The following RB1 variants were observed in gnomAD, a reference collection of about 807,000 sequenced individuals.
The protein encoded by RB1 is retinoblastoma-associated protein.
Under a neutral mutation model 135.4 loss-of-function variants are expected in RB1, and 18 were observed. The observed-to-expected ratio is 0.13, with a 90% CI of 0.09 to 0.20. RB1 has a LOEUF of 0.20. Among genes scored for constraint, RB1 ranks in the 10% least tolerant of loss-of-function variants. The probability of loss-of-function intolerance (pLI) is 1.00; values close to 1 mark genes in which losing one functional copy is unlikely to be tolerated. For missense variants in RB1, 868 were observed against 1,110.0 expected, an observed-to-expected ratio of 0.78 and a Z score of 3.10; for synonymous variants, 365 against 373.2, an observed-to-expected ratio of 0.98 and a Z score of 0.25.
At chr13:48,361,830 G>A (rs1952643372) in intron 7 of RB1, among the ~76,000 whole-genome samples, 1 of 151,316 alleles carries the variant, frequency 6.6e-6, no homozygotes, top group South Asian at 2.1e-4. Flanking sequence ...TGTGGTTTTT[G>A]CTGATCATAT....
chr13:48,466,150 G>A (rs917380100), intron 23 of RB1, among the ~76,000 whole-genome samples: 4 of 145,226 alleles, frequency 2.8e-5, no homozygotes, highest in South Asian at 2.3e-4. Context: ...GCAGACTTAA[G>A]TGTCCCTGTC....
intron 2 of RB1, among the ~76,000 whole-genome samples, chr13:48,308,676 G>A (rs976177656): frequency 2.0e-5 from 3 of 151,188 alleles, no homozygotes; most frequent in Admixed American, 6.6e-5. Context: ...AAAAACCCCA[G>A]AACTTTACAA....
intron 6 of RB1, among the ~76,000 whole-genome samples, chr13:48,349,367 C>T (rs115158735): frequency 0.024 from 3,608 of 151,652 alleles, 153 homozygotes; most frequent in African/African-American, 0.083. Context: ...AAAATCCACC[C>T]AGGGATAATC....
intron 2 of RB1, chr13:48,320,407 C>T (rs1290940055): frequency 1.8e-6 from 2 of 1,139,214 alleles, no homozygotes; most frequent in African/African-American, 1.5e-5. Flanking sequence ...CCTAAAGCTC[C>T]CTGGTGGGCC....
At position 48,481,675 on chromosome 13, in the gene RB1, T is replaced by G. The variant is rs921823911; in HGVS notation, c.*1604T>G. 4.3e-6 allele frequency: 1 copy of G among 231,008 alleles called. No homozygotes were observed. Among genetic ancestry groups the G allele is most frequent in the Non-Finnish European group, 8.6e-6 (1 of 116,564 alleles). The allele number at this position is 231,008 out of a possible 1,614,324, so 14.3% of individuals were successfully genotyped here. Reference sequence around the variant, plus strand: ...TTTTAGGTCAAGGGCTTACTATTTCTGGGTCTTTTGCTACTAAGTTCACAT... The same window carrying G: ...TTTTAGGTCAAGGGCTTACTATTTCGGGGTCTTTTGCTACTAAGTTCACAT... On this transcript the variant is annotated 3_prime_UTR_variant, in exon 27 of 27. Transcript: ENST00000267163.
intron 2 of RB1, chr13:48,320,132 A>C (rs1952221823): frequency 1.3e-6 from 1 of 791,582 alleles, no homozygotes; most frequent in African/African-American, 1.8e-5. Context: ...TCTAGCACCA[A>C]CGGGCCAAAG....
At chr13:48,423,344 G>A (rs562042348) in intron 17 of RB1, among the ~76,000 whole-genome samples, 16 of 152,056 alleles carry the variant, frequency 1.1e-4, no homozygotes, top group Non-Finnish European at 1.3e-4. Context: ...GCGCGATCTC[G>A]GCTCACTGCA....
At chr13:48,438,654 T>C in intron 17 of RB1, among the ~76,000 whole-genome samples, 1 of 152,196 alleles carries the variant, frequency 6.6e-6, no homozygotes, top group East Asian at 1.9e-4. Flanking sequence ...CCACCACTTA[T>C]TCATGTGACT....
chr13:48,410,564 A>G (rs1948785032), intron 17 of RB1, among the ~76,000 whole-genome samples: 1 of 152,178 alleles, frequency 6.6e-6, no homozygotes, highest in South Asian at 2.1e-4. Flanking sequence ...TTAAAACATA[A>G]GTTCTTGACT....
intron 17 of RB1, among the ~76,000 whole-genome samples, chr13:48,420,748 C>A (rs1382264318): frequency 6.6e-6 from 1 of 151,970 alleles, no homozygotes; most frequent in Non-Finnish European, 1.5e-5. Context: ...CAATAATAGA[C>A]AAACAGAGAG....
intron 20 of RB1, among the ~76,000 whole-genome samples, chr13:48,462,710 T>C (rs1245788655): frequency 1.3e-5 from 2 of 152,188 alleles, no homozygotes; most frequent in Non-Finnish European, 2.9e-5. Flanking sequence ...TCCTCCAAAA[T>C]GTTTATAATT....
Position 48,444,256 on chromosome 13 carries a change from C to A in RB1, c.1696-8737C>A. Among the ~76,000 whole-genome samples, 2 of 152,198 alleles carry A rather than the reference C, an allele frequency of 1.3e-5. 1 individual carries two copies. Among genetic ancestry groups the A allele is most frequent in the Admixed American group, 1.3e-4 (2 of 15,282 alleles). ...AGGATACTGGGCACGGTGGCTCAAG[C>A]CTGTAATCCCAGCACTTTGGGAGGT... On this transcript the variant is annotated intron_variant, in intron 17 of 26. Coordinates refer to ENST00000267163, the MANE Select transcript of RB1 (RefSeq NM_000321.3).
At chr13:48,317,859 G>A in intron 2 of RB1, 1 of 392,792 alleles carries the variant, frequency 2.5e-6, no homozygotes, top group Non-Finnish European at 4.9e-6. Context: ...GCTCCTTCCT[G>A]CACAGCAACT....
At position 48,319,052 on chromosome 13, in the gene RB1, G is replaced by A; in HGVS notation, c.264+11646G>A. On this transcript the variant is annotated intron_variant, in intron 2 of 26. Coordinates refer to ENST00000267163, the MANE Select transcript of RB1 (RefSeq NM_000321.3). The surrounding 1 kb of genome is among the most constrained non-coding windows in gnomAD (Gnocchi z 5.0). Reference sequence around the variant, plus strand: ...GATTGCTTCCGCGCGCGTCAGTTCAGCGGACGTGTCTGCCTGGCACGAGGA... The same window carrying A: ...GATTGCTTCCGCGCGCGTCAGTTCAACGGACGTGTCTGCCTGGCACGAGGA... The A allele has an allele frequency of 3.2e-6, 2 of 630,474 alleles. No individual in the cohort carries two copies. The highest frequency in any genetic ancestry group is 1.5e-5 in the South Asian group (1 of 67,712). 39.1% of individuals were successfully genotyped at this position (630,474 alleles called of 1,614,324 possible). A position where few individuals can be genotyped will look rare whatever the true frequency, so the allele number is the denominator to read the frequency against.
intron 13 of RB1, among the ~76,000 whole-genome samples, chr13:48,377,503 A>G (rs1952840234): frequency 6.6e-6 from 1 of 152,104 alleles, no homozygotes; most frequent in South Asian, 2.1e-4. Context: ...TGGTTCTACC[A>G]TTGTTGATCT....
At chr13:48,306,693 T>G (rs555819087) in intron 1 of RB1, among the ~76,000 whole-genome samples, 15 of 152,326 alleles carry the variant, frequency 9.8e-5, no homozygotes, top group Admixed American at 3.3e-4. Context: ...TACTCAAAAA[T>G]TATTAATTAT....
intron 26 of RB1, 106 bp downstream of exon 26, chr13:48,477,510 T>C (rs1949511520): frequency 2.3e-6 from 2 of 867,922 alleles, no homozygotes; most frequent in Admixed American, 4.3e-5. Context: ...TTGGCAGGTT[T>C]GTTTATGCAT....
chr13:48,328,188 G>C, intron 2 of RB1: 1 of 1,483,856 alleles, frequency 6.7e-7, no homozygotes. Context: ...GTTTGGTCCA[G>C]CTGATGTTGG....
intron 17 of RB1, among the ~76,000 whole-genome samples, chr13:48,448,778 A>G (rs992893799): frequency 2.0e-5 from 3 of 152,250 alleles, no homozygotes; most frequent in African/African-American, 4.8e-5. Flanking sequence ...TTGAATGTTC[A>G]AGTGGCTACT....
Sources: allele counts gnomAD v4.1 joint callset (sites outside exome capture counted in the v4.1 genomes callset), GRCh38; gene constraint gnomAD v4.1.1; non-coding constraint Gnocchi (gnomAD v3.1); transcripts MANE v1.5; gene names NCBI Gene and HGNC (gene_info 2026-07-23, HGNC 2026-07-21).